Variants in CTC1 observed in about 807,000 individuals in gnomAD.
The protein encoded by CTC1 is CST telomere replication complex component 1, also known as CST complex subunit CTC1.
CTC1 carries 91 observed loss-of-function variants against 136.3 expected under a neutral mutation model. The observed-to-expected ratio is 0.67, with a 90% CI of 0.56 to 0.79. The LOEUF (loss-of-function observed/expected upper bound fraction) is 0.79. Ranked by LOEUF, CTC1 falls within the 30% of genes least tolerant of loss-of-function variation. CTC1 has a pLI of 0.00. For synonymous variants in CTC1, 606 were observed against 613.8 expected, an observed-to-expected ratio of 0.99 and a Z score of 0.19; for missense variants, 1,432 against 1,498.1, an observed-to-expected ratio of 0.96 and a Z score of 0.73.
intron 2 of CTC1, among the ~76,000 whole-genome samples, chr17:8,239,635 T>A (rs1988045350): frequency 6.6e-6 from 1 of 151,962 alleles, no homozygotes; most frequent in Admixed American, 6.6e-5. Context: ...TTGTCCAGGC[T>A]GGTCTCAAAC....
At chr17:8,240,486 G>A (rs1988125117) in intron 2 of CTC1, among the ~76,000 whole-genome samples, 1 of 150,310 alleles carries the variant, frequency 6.7e-6, no homozygotes, top group African/African-American at 2.5e-5. Context: ...TGTTATGGAC[G>A]TGGACAAGAA....
At chr17:8,230,819 T>C (rs1987154438) in intron 15 of CTC1, 168 bp from the exon 16 acceptor site, 3 of 621,366 alleles carry the variant, frequency 4.8e-6, no homozygotes, top group Non-Finnish European at 8.5e-6. Context: ...TAACAGGGCC[T>C]ATGGGAAAAA....
rs1162670566 is a variant in CTC1, at chr17:8,232,408, G to C, written c.2013C>G (p.Ser671=). The change falls in exon 12 of 23, where the codon TCC becomes TCG. Residue 671 remains serine, a synonymous_variant. Coordinates refer to ENST00000651323, the MANE Select transcript of CTC1 (RefSeq NM_025099.6). Reference sequence around the variant, plus strand: ...AGCCTGGCATGCTCAGCTCCTTCCAGGAAGGGAAGCTGCTTCTCACGTCCC... The same window carrying C: ...AGCCTGGCATGCTCAGCTCCTTCCACGAAGGGAAGCTGCTTCTCACGTCCC... ...VERDVRSSFP[S]WKELSMPGFI... 6.2e-7 allele frequency: 1 copy of C among 1,614,168 alleles called. No homozygotes were observed. Among genetic ancestry groups the C allele is most frequent in the East Asian group, 2.2e-5 (1 of 44,882 alleles).
chr17:8,232,568 A>C, intron 11 of CTC1, 93 bp from the exon 12 acceptor site: 1 of 992,218 alleles, frequency 1.0e-6, no homozygotes, highest in Non-Finnish European at 1.5e-6. Flanking sequence ...TACCCATCCC[A>C]GGCCAGAGCT....
intron 22 of CTC1, 73 bp from the exon 23 acceptor site, chr17:8,228,392 C>T: frequency 6.2e-7 from 1 of 1,607,990 alleles, no homozygotes; most frequent in Non-Finnish European, 8.5e-7. Flanking sequence ...ATTCTCCTCC[C>T]TAACTCCAGA....
Position 8,235,881 on chromosome 17 carries a change from G to A in CTC1, c.1156C>T (p.Gln386Ter), listed in dbSNP as rs1203574273. 4 of 1,613,820 alleles carry A rather than the reference G, an allele frequency of 2.5e-6. No individual in the cohort carries two copies. The South Asian group carries it at 4.4e-5, about 18-fold the overall frequency. The change falls in exon 7 of 23, where the codon CAG (glutamine) becomes TAG (stop). Residue 386 changes from glutamine (Q) to a stop codon, truncating the protein, a stop_gained. Transcript: ENST00000651323. LOFTEE classifies it high-confidence loss of function. ...ACCCGCCTAAGGCCACGGAACTGCT[G>A]GTAGGCAAGGCAGAGCCCCAGCTGC... is the stretch of plus-strand genomic sequence containing the variant. ...DGQLGLCLAY[Q>*]QFRGLRRVMR... is the part of the protein sequence containing the mutation.
intron 15 of CTC1, 119 bp from the exon 16 acceptor site, chr17:8,230,770 C>T: frequency 1.3e-6 from 1 of 784,344 alleles, no homozygotes; most frequent in Admixed American, 2.2e-5. Context: ...ATATAAAGTC[C>T]TGAAAAAACC....
chr17:8,241,245 G>T (rs1341193674), intron 2 of CTC1, among the ~76,000 whole-genome samples: 1 of 152,140 alleles, frequency 6.6e-6, no homozygotes, highest in East Asian at 1.9e-4. Flanking sequence ...CCGAGATGAT[G>T]CCATTGCACT....
chr17:8,231,588 C>T, intron 14 of CTC1, 119 bp from the exon 15 acceptor site: 1 of 1,238,850 alleles, frequency 8.1e-7, no homozygotes. Flanking sequence ...TGTGTCAACA[C>T]ACACAGGCTT....
At chr17:8,243,783 C>A (rs113279794) in intron 1 of CTC1, among the ~76,000 whole-genome samples, 1 of 151,934 alleles carries the variant, frequency 6.6e-6, no homozygotes, top group Non-Finnish European at 1.5e-5. Context: ...TCATAAAGAA[C>A]AGGACAGGCT....
Position 8,226,981 on chromosome 17 carries a change from A to C in CTC1, c.*1199T>G, listed in dbSNP as rs528503408. 6.6e-6 allele frequency: 1 copy of C among 152,518 alleles called. No homozygotes were observed. Among genetic ancestry groups the C allele is most frequent in the Non-Finnish European group, 1.5e-5 (1 of 68,048 alleles). The allele number at this position is 152,518 out of a possible 1,614,324, so 9.4% of individuals were successfully genotyped here. On this transcript the variant is annotated 3_prime_UTR_variant, in exon 23 of 23. Coordinates refer to ENST00000651323, the MANE Select transcript of CTC1 (RefSeq NM_025099.6). The stretch of plus-strand genomic sequence containing the variant: ...AGAAAACAAAACACACACAAAAAAA[A>C]GCCACCCACTGGCCCGTACGGGGTT...
intron 2 of CTC1, among the ~76,000 whole-genome samples, chr17:8,240,361 G>A (rs375704778): frequency 2.0e-5 from 3 of 151,202 alleles, no homozygotes; most frequent in East Asian, 2.0e-4. Flanking sequence ...TCACCATGCT[G>A]GCCAGGCTGG....
At chr17:8,240,156 CTT>C (rs397969607) in intron 2 of CTC1, among the ~76,000 whole-genome samples, 17 of 139,948 alleles carry the variant, frequency 1.2e-4, no homozygotes, top group Admixed American at 2.9e-4. Flanking sequence ...AGAACTGTCT[CTT>C]TTTTTTTTTT....
intron 1 of CTC1, among the ~76,000 whole-genome samples, chr17:8,245,363 T>C (rs1988590117): frequency 1.3e-5 from 2 of 152,152 alleles, no homozygotes; most frequent in Admixed American, 6.6e-5. Flanking sequence ...GCCCTACCAC[T>C]GACTTTCAGC....
chr17:8,230,884 C>A lies in CTC1; in HGVS notation c.2670-233G>T. The A allele has an allele frequency of 3.7e-6, 2 of 546,730 alleles. 1 individual carries two copies. The highest frequency in any genetic ancestry group is 4.5e-5 in the South Asian group (2 of 44,842). 33.9% of individuals were successfully genotyped at this position (546,730 alleles called of 1,614,324 possible). On this transcript the variant is annotated intron_variant, in intron 15 of 22. Coordinates refer to ENST00000651323, the MANE Select transcript of CTC1 (RefSeq NM_025099.6). ...CACAAGGTGGCTCACGCCCCTAAAT[C>A]CCAGCACTTTGGGAGGCTGAGGTGG...
rs1254586169 is a variant in CTC1, at chr17:8,232,038, T to TG, written c.2249dup (p.Gly751ArgfsTer40). On this transcript the variant is annotated frameshift_variant, in exon 13 of 23. Transcript: ENST00000651323. LOFTEE classifies it high-confidence loss of function. ...GCTTGGGCACCTCTGGACTTGCTCC[T>TG]GGGGGGACACAAAAATTACGCTTCA... is the stretch of plus-strand genomic sequence containing the variant. 4.4e-6 allele frequency: 7 copies of TG among 1,578,678 alleles called. No homozygotes were observed. The highest frequency in any genetic ancestry group is 2.2e-5 in the East Asian group (1 of 44,788).
At chr17:8,228,932 C>T in intron 20 of CTC1, 40 bp from the exon 21 acceptor site, 1 of 1,577,938 alleles carries the variant, frequency 6.3e-7, no homozygotes, top group Non-Finnish European at 8.6e-7. Context: ...CTATAGCAAC[C>T]CAGGTTGCCA....
Position 8,235,908 on chromosome 17 carries a change from C to T in CTC1, c.1129G>A (p.Gly377Arg). The stretch of plus-strand genomic sequence containing the variant: ...TAGGCAAGGCAGAGCCCCAGCTGCC[C>T]ATCCAGCTCATAGAGGCCAGCGGGC... ...NEPAGLYELD[G>R]QLGLCLAYQQ... The change falls in exon 7 of 23, where the codon GGG (glycine) becomes AGG (arginine). Residue 377 changes from glycine (G) to arginine (R), a missense_variant. Transcript: ENST00000651323. 1 of 1,613,802 alleles carries T rather than the reference C, an allele frequency of 6.2e-7. No homozygotes were observed. The highest frequency in any genetic ancestry group is 8.5e-7 in the Non-Finnish European group (1 of 1,179,738).
intron 1 of CTC1, among the ~76,000 whole-genome samples, chr17:8,243,914 T>C (rs1184512047): frequency 6.6e-6 from 1 of 151,908 alleles, no homozygotes; most frequent in Non-Finnish European, 1.5e-5. Flanking sequence ...TCTACAAAAA[T>C]ACAAAAAGCC....
Sources: allele counts gnomAD v4.1 joint callset (sites outside exome capture counted in the v4.1 genomes callset), GRCh38; gene constraint gnomAD v4.1.1; transcripts MANE v1.5; gene names NCBI Gene and HGNC (gene_info 2026-07-23, HGNC 2026-07-21).